The following LRP1B variants were observed in gnomAD, a reference collection of about 807,000 sequenced individuals.
LRP1B encodes the protein low-density lipoprotein receptor-related protein 1B.
LRP1B carries 217 observed loss-of-function variants against 556.6 expected under a neutral mutation model. The ratio of observed to expected loss-of-function variants is 0.39; its 90% CI spans 0.35 to 0.44. The LOEUF (loss-of-function observed/expected upper bound fraction) is 0.44. Among genes scored for constraint, LRP1B ranks in the 20% least tolerant of loss-of-function variants. The probability of loss-of-function intolerance (pLI) is 1.00; values close to 1 mark genes in which losing one functional copy is unlikely to be tolerated. For missense variants in LRP1B, 5,053 were observed against 5,620.8 expected, an observed-to-expected ratio of 0.90 and a Z score of 3.23; for synonymous variants, 2,047 against 1,865.8, an observed-to-expected ratio of 1.10 and a Z score of -2.50.
intron 31 of LRP1B, among the ~76,000 whole-genome samples, chr2:140,816,130 T>C (rs542130251): frequency 1.3e-5 from 2 of 152,080 alleles, no homozygotes; most frequent in African/African-American, 4.8e-5. Flanking sequence ...TTTTTTTTTC[T>C]TTTTTTCAGA....
chr2:141,810,449 G>T, intron 1 of LRP1B, 48 bp from the exon 2 acceptor site: 1 of 1,595,214 alleles, frequency 6.3e-7, no homozygotes, highest in South Asian at 1.1e-5. Context: ...TCTGAACATG[G>T]GCAGAACGAG....
chr2:141,845,939 C>A (rs1216189658), intron 1 of LRP1B, among the ~76,000 whole-genome samples: 1 of 151,104 alleles, frequency 6.6e-6, no homozygotes, highest in Non-Finnish European at 1.5e-5. Context: ...ACAGATTAAT[C>A]TGAAGGAAAA....
At chr2:140,581,841 T>G (rs190370253) in intron 43 of LRP1B, among the ~76,000 whole-genome samples, 2 of 152,192 alleles carry the variant, frequency 1.3e-5, no homozygotes, top group African/African-American at 4.8e-5. Context: ...CTATTAGCAG[T>G]AAACTTAAAT....
chr2:140,849,592 C>T (rs1258426207), intron 29 of LRP1B, among the ~76,000 whole-genome samples: 1 of 151,724 alleles, frequency 6.6e-6, no homozygotes, highest in Non-Finnish European at 1.5e-5. Context: ...CATGCTGGAG[C>T]ACAATGACAT....
chr2:140,602,513 C>CT (rs35657861), intron 41 of LRP1B, among the ~76,000 whole-genome samples: 1 of 151,942 alleles, frequency 6.6e-6, no homozygotes, highest in Admixed American at 6.6e-5. Context: ...AACGTATACA[C>CT]TTTTTTCAGT....
At chr2:141,261,522 C>T (rs1265538405) in intron 3 of LRP1B, among the ~76,000 whole-genome samples, 1 of 152,104 alleles carries the variant, frequency 6.6e-6, no homozygotes, top group East Asian at 1.9e-4. Flanking sequence ...CAACCCATTG[C>T]CCTGCTGACA....
In LRP1B at chr2:141,203,695, T is replaced by C. The variant is rs192819869; in HGVS notation, c.851-15112A>G. Among the ~76,000 whole-genome samples, 92 of 152,268 alleles carry C rather than the reference T, an allele frequency of 6.0e-4. 1 individual carries two copies. The highest frequency in any genetic ancestry group is 5.6e-3 in the Admixed American group (86 of 15,286). On this transcript the variant is annotated intron_variant, in intron 6 of 90. Transcript: ENST00000389484. ...ACCAAGTGGACCTAATAGACATCTA[T>C]GGAACTCTCCACCCCAAATCAACAG...
intron 2 of LRP1B, among the ~76,000 whole-genome samples, chr2:141,717,334 TTA>T (rs1692643133): frequency 2.0e-5 from 3 of 152,242 alleles, no homozygotes; most frequent in Admixed American, 2.0e-4. Context: ...ATGATTGCTA[TTA>T]TGTCAAATAA....
chr2:141,463,333 G>C (rs1368570353), intron 3 of LRP1B, among the ~76,000 whole-genome samples: 1 of 151,246 alleles, frequency 6.6e-6, no homozygotes, highest in Non-Finnish European at 1.5e-5. Context: ...TGTTTGCTTT[G>C]GGAAGTATTT....
chr2:140,991,094 G>A (rs2105355148), intron 16 of LRP1B, among the ~76,000 whole-genome samples: 1 of 152,182 alleles, frequency 6.6e-6, no homozygotes, highest in South Asian at 2.1e-4. Context: ...TCTGGTATTT[G>A]AGCATGATTT....
chr2:141,156,354 C>A (rs1027492796), intron 7 of LRP1B, among the ~76,000 whole-genome samples: 1 of 152,062 alleles, frequency 6.6e-6, no homozygotes, highest in Non-Finnish European at 1.5e-5. Context: ...ACTGGCCAGG[C>A]GCATTAGCTC....
chr2:140,591,564 T>G (rs774219359), intron 43 of LRP1B, among the ~76,000 whole-genome samples: 4 of 152,080 alleles, frequency 2.6e-5, no homozygotes, highest in Non-Finnish European at 4.4e-5. Context: ...CTTTGGAAAA[T>G]GTTGGCAGCA....
chr2:141,103,562 C>T (rs1700521432), intron 7 of LRP1B, among the ~76,000 whole-genome samples: 1 of 110,024 alleles, frequency 9.1e-6, no homozygotes, highest in South Asian at 3.1e-4. Context: ...TGATTGAAAA[C>T]AAGAGGTAAA....
intron 2 of LRP1B, among the ~76,000 whole-genome samples, chr2:141,784,121 C>G (rs1026856794): frequency 6.6e-6 from 1 of 151,822 alleles, no homozygotes; most frequent in Non-Finnish European, 1.5e-5. Context: ...TAAGAAATTA[C>G]AAAAACTATC....
chr2:141,655,283 T>G (rs2105385829), intron 2 of LRP1B, among the ~76,000 whole-genome samples: 1 of 152,316 alleles, frequency 6.6e-6, no homozygotes, highest in Middle Eastern at 3.4e-3. Context: ...TCACAAGGCT[T>G]AATGTCCTTT....
intron 73 of LRP1B, among the ~76,000 whole-genome samples, chr2:140,358,379 G>T (rs907511527): frequency 4.6e-5 from 7 of 151,522 alleles, no homozygotes; most frequent in Non-Finnish European, 8.9e-5. Context: ...TTTTTAGAGG[G>T]TGATATTAAA....
intron 11 of LRP1B, among the ~76,000 whole-genome samples, chr2:141,035,598 TA>T (rs77180529): frequency 3.3e-5 from 5 of 151,932 alleles, no homozygotes; most frequent in African/African-American, 7.2e-5. Context: ...GAAATCTTTA[TA>T]AAAAAATAAG....
At chr2:140,768,229 G>T (rs1689183490) in intron 35 of LRP1B, among the ~76,000 whole-genome samples, 1 of 151,730 alleles carries the variant, frequency 6.6e-6, no homozygotes, top group Non-Finnish European at 1.5e-5. Flanking sequence ...TCATTAACTT[G>T]TAGTCCAGAG....
chr2:140,405,710 T>C (rs1001464808), intron 66 of LRP1B, among the ~76,000 whole-genome samples: 4 of 152,028 alleles, frequency 2.6e-5, no homozygotes, highest in Non-Finnish European at 4.4e-5. Flanking sequence ...AGTAATAAAA[T>C]TGCCAACAGC....
Sources: allele counts gnomAD v4.1 joint callset (sites outside exome capture counted in the v4.1 genomes callset), GRCh38; gene constraint gnomAD v4.1.1; transcripts MANE v1.5; gene names NCBI Gene and HGNC (gene_info 2026-07-23, HGNC 2026-07-21).